SUPT6H: variants seen among roughly 807,000 people sequenced by gnomAD.
SUPT6H encodes the protein transcription elongation factor SPT6.
SUPT6H carries 11 observed loss-of-function variants against 222.3 expected under a neutral mutation model. That is an observed-to-expected ratio of 0.05 (90% CI 0.03 to 0.08). The LOEUF (loss-of-function observed/expected upper bound fraction) is 0.08, where lower values mean the gene tolerates loss of function less well. Among genes scored for constraint, SUPT6H ranks in the 10% least tolerant of loss-of-function variants. The probability of loss-of-function intolerance (pLI) is 1.00; values close to 1 mark genes in which losing one functional copy is unlikely to be tolerated. For synonymous variants in SUPT6H, 762 were observed against 801.2 expected, an observed-to-expected ratio of 0.95 and a Z score of 0.83; for missense variants, 1,422 against 2,216.0, an observed-to-expected ratio of 0.64 and a Z score of 7.19.
intron 9 of SUPT6H, 103 bp from the exon 10 acceptor site, chr17:28,678,442 G>T (rs1182528108): frequency 1.8e-5 from 22 of 1,207,920 alleles, no homozygotes; most frequent in Non-Finnish European, 2.7e-5. Flanking sequence ...TCTGACTGTT[G>T]AATTTCCTGG....
At chr17:28,699,919 G>T in intron 33 of SUPT6H, 26 bp downstream of exon 33, 5 of 1,604,064 alleles carry the variant, frequency 3.1e-6, no homozygotes, top group Non-Finnish European at 4.3e-6. Flanking sequence ...CCTGACTTCA[G>T]GGACGTGGCT....
Position 28,678,536 on chromosome 17 carries a change from C to T in SUPT6H, c.1117-9C>T, listed in dbSNP as rs1597697311. On this transcript the variant is annotated splice_polypyrimidine_tract_variant and intron_variant, in intron 9 of 36. Coordinates refer to ENST00000314616, the MANE Select transcript of SUPT6H (RefSeq NM_003170.5). Reference sequence around the variant, plus strand: ...TCTCTGAGTGACTGCAGTCTCTTTGCCATCCTAGGTGCCTTTTATTGCCTT... The same window carrying T: ...TCTCTGAGTGACTGCAGTCTCTTTGTCATCCTAGGTGCCTTTTATTGCCTT... 1 of 1,613,750 alleles carries T rather than the reference C, an allele frequency of 6.2e-7. No homozygotes were observed. Among genetic ancestry groups the T allele is most frequent in the South Asian group, 1.1e-5 (1 of 91,060 alleles).
intron 1 of SUPT6H, among the ~76,000 whole-genome samples, chr17:28,672,091 G>T (rs1267380578): frequency 1.3e-5 from 2 of 152,160 alleles, no homozygotes; most frequent in Non-Finnish European, 2.9e-5. Context: ...CACACAAATT[G>T]GCTCAAGTTC....
intron 4 of SUPT6H, 127 bp from the exon 5 acceptor site, chr17:28,674,843 C>T (rs762942540): frequency 5.5e-5 from 66 of 1,201,616 alleles, no homozygotes; most frequent in Non-Finnish European, 7.1e-5. Flanking sequence ...GAGCATCACT[C>T]GGCATGTTCT....
chr17:28,686,446 A>G (rs1204316311), intron 20 of SUPT6H, 31 bp downstream of exon 20: 19 of 1,608,932 alleles, frequency 1.2e-5, no homozygotes, highest in Non-Finnish European at 1.6e-5. Flanking sequence ...ACCTGGTTTA[A>G]GGCCGTGACC....
In SUPT6H at chr17:28,669,620, A is replaced by G. The variant is rs560799895; in HGVS notation, c.-31-3751A>G. 4.3e-3 allele frequency among the ~76,000 whole-genome samples: 650 copies of G among 152,168 alleles called. 2 individuals carry two copies. The highest frequency in any genetic ancestry group is 7.5e-3 in the Non-Finnish European group (510 of 67,996). Reference sequence around the variant, plus strand: ...GGAGTTCGAAACCAGCCTGGCTAACATGGTGAAACTTTGTCTTAAAAAATA... The same window carrying G: ...GGAGTTCGAAACCAGCCTGGCTAACGTGGTGAAACTTTGTCTTAAAAAATA... On this transcript the variant is annotated intron_variant, in intron 1 of 36. Coordinates refer to ENST00000314616, the MANE Select transcript of SUPT6H (RefSeq NM_003170.5).
In SUPT6H at chr17:28,687,217, C is replaced by T. The variant is rs2031426732; in HGVS notation, c.2830C>T (p.Pro944Ser). ...AGACATCCTGTGTCTCAAGTTTCACCCCTTGCAGGTGAGTAGGATTTGACA... is the reference window on the plus strand; with the variant it reads ...AGACATCCTGTGTCTCAAGTTTCACTCCTTGCAGGTGAGTAGGATTTGACA... ...DEDILCLKFHPLQEHVVKEEL... is the reference protein window; with the variant it reads ...DEDILCLKFHSLQEHVVKEEL... The change falls in exon 22 of 37, where the codon CCC becomes TCC. Residue 944 changes from proline (P) to serine (S), a missense_variant. Pro to Ser is a moderately conservative substitution (Grantham distance 74, BLOSUM62 -1). Transcript: ENST00000314616. 2 of 1,614,158 alleles carry T rather than the reference C, an allele frequency of 1.2e-6. No homozygotes were observed. The highest frequency in any genetic ancestry group is 1.7e-6 in the Non-Finnish European group (2 of 1,180,032).
At chr17:28,678,437 CTG>C (rs2030886937) in intron 9 of SUPT6H, 106 bp from the exon 10 acceptor site, 2 of 1,145,816 alleles carry the variant, frequency 1.7e-6, no homozygotes, top group East Asian at 4.7e-5. Flanking sequence ...AGGCTTCTGA[CTG>C]TTGAATTTCC....
intron 36 of SUPT6H, 68 bp downstream of exon 36, chr17:28,701,196 G>A: frequency 6.5e-7 from 1 of 1,529,450 alleles, no homozygotes; most frequent in Non-Finnish European, 8.8e-7. Context: ...AGGCCGAAAG[G>A]CTTAGCAGAG....
At chr17:28,686,077 A>G (rs1268049792) in intron 19 of SUPT6H, among the ~76,000 whole-genome samples, 9 of 152,186 alleles carry the variant, frequency 5.9e-5, no homozygotes. Context: ...AATAAAAAAG[A>G]ACGGTTTCCT....
Position 28,667,405 on chromosome 17 carries a change from G to GTATATATATATA in SUPT6H, c.-32+5083_-32+5094dup, listed in dbSNP as rs59286877. 7.9e-3 allele frequency among the ~76,000 whole-genome samples: 389 copies of GTATATATATATA among 49,046 alleles called. 4 individuals carry two copies. Among genetic ancestry groups the GTATATATATATA allele is most frequent in the South Asian group, 0.015 (12 of 800 alleles). 32.2% of individuals were successfully genotyped at this position (49,046 alleles called of 152,430 possible). On this transcript the variant is annotated intron_variant, in intron 1 of 36. Coordinates refer to ENST00000314616, the MANE Select transcript of SUPT6H (RefSeq NM_003170.5). ...AAAAAAAAAAAAAAAGTGTGTGTGT[G>GTATATATATATA]TATATATATATATATATATATATAT...
chr17:28,675,999 G>A (rs990883279), intron 6 of SUPT6H, among the ~76,000 whole-genome samples, 158 bp from the exon 7 acceptor site: 25 of 152,066 alleles, frequency 1.6e-4, no homozygotes, highest in Non-Finnish European at 4.4e-5. Flanking sequence ...AGAAATATCC[G>A]CCAATGAAGC....
At chr17:28,695,698 G>T in intron 29 of SUPT6H, 151 bp downstream of exon 29, 1 of 910,138 alleles carries the variant, frequency 1.1e-6, no homozygotes. Context: ...TCATGAAAAA[G>T]TCATAGGTAG....
chr17:28,683,236 G>A (rs771649856), intron 15 of SUPT6H, 32 bp from the exon 16 acceptor site: 135 of 1,608,170 alleles, frequency 8.4e-5, no homozygotes, highest in South Asian at 1.3e-4. Context: ...CAGCCCATCC[G>A]CAGGCTCATG....
In SUPT6H at chr17:28,683,829, A is replaced by C. The variant is rs574675200; in HGVS notation, c.2229+13A>C. 8.9e-6 allele frequency: 14 copies of C among 1,566,546 alleles called. No individual in the cohort carries two copies. The East Asian group carries it at 2.7e-4, about 30-fold the overall frequency. On this transcript the variant is annotated intron_variant, in intron 17 of 36. Coordinates refer to ENST00000314616, the MANE Select transcript of SUPT6H (RefSeq NM_003170.5). ...ATATGTCATAAAGGTGAGGACAGAG[A>C]CTCATGATTTTTTTTTTTTTTTTGG...
rs2032113301 is a variant in SUPT6H at position 28,701,141 on chromosome 17, A to G, written c.4994+13A>G. 1.2e-6 allele frequency: 2 copies of G among 1,600,646 alleles called. No homozygotes were observed. The highest frequency in any genetic ancestry group is 1.3e-5 in the African/African-American group (1 of 74,856). On this transcript the variant is annotated intron_variant, in intron 36 of 36. Transcript: ENST00000314616. ...AGCAGCAGCCAAAGTAAGTATCTGG[A>G]TGGTGGCACAGTGCAGGTCAGTGGT...
chr17:28,686,650 C>T lies in SUPT6H; in HGVS notation c.2565-4C>T, dbSNP rs1159239450. 6.3e-7 allele frequency: 1 copy of T among 1,588,500 alleles called. No homozygotes were observed. Among genetic ancestry groups the T allele is most frequent in the Admixed American group, 1.8e-5 (1 of 54,856 alleles). ...TATTCATTGACCAACACTCATCCCA[C>T]CAGGGACGCCCAGATGTTGATTGAA... is the stretch of plus-strand genomic sequence containing the variant. On this transcript the variant is annotated splice_polypyrimidine_tract_variant and splice_region_variant and intron_variant, in intron 20 of 36. Coordinates refer to ENST00000314616, the MANE Select transcript of SUPT6H (RefSeq NM_003170.5).
At chr17:28,690,789 A>T in intron 26 of SUPT6H, 132 bp from the exon 27 acceptor site, 1 of 1,051,026 alleles carries the variant, frequency 9.5e-7, no homozygotes, top group Non-Finnish European at 1.3e-6. Flanking sequence ...TAAATAAATA[A>T]ATAAAAATCG....
At position 28,678,852 on chromosome 17, in the gene SUPT6H, T is replaced by C; in HGVS notation, c.1238T>C (p.Leu413Pro). 1.2e-6 allele frequency: 2 copies of C among 1,614,188 alleles called. No individual in the cohort carries two copies. Among genetic ancestry groups the C allele is most frequent in the Non-Finnish European group, 1.7e-6 (2 of 1,180,038 alleles). ...WTQLRIRKEN[L>P]TRLFEKMQAY... ...CAGCTGCGGATCCGTAAAGAGAACCTAACACGGCTGTTTGAGAAGATGCAG... is the reference window on the plus strand; with the variant it reads ...CAGCTGCGGATCCGTAAAGAGAACCCAACACGGCTGTTTGAGAAGATGCAG... Residue 413 changes from leucine to proline, a missense_variant, in exon 11 of 37, where the codon CTA (leucine) becomes CCA (proline). This residue lies in a region of SUPT6H where 389 missense variants were observed against 544.6 expected (regional missense o/e 0.71). Coordinates refer to ENST00000314616, the MANE Select transcript of SUPT6H (RefSeq NM_003170.5).
Sources: allele counts gnomAD v4.1 joint callset (sites outside exome capture counted in the v4.1 genomes callset), GRCh38; gene constraint gnomAD v4.1.1; regional missense constraint gnomAD v4.1.1; transcripts MANE v1.5; gene names NCBI Gene and HGNC (gene_info 2026-07-23, HGNC 2026-07-21).